CHADL: variants seen among roughly 807,000 people sequenced by gnomAD.
The protein encoded by CHADL is chondroadherin like.
A neutral mutation model predicts 52.1 loss-of-function variants in CHADL; 48 were observed. The observed-to-expected ratio is 0.92, with a 90% CI of 0.73 to 1.17. The LOEUF is 1.17. Ranked by LOEUF, CHADL falls within the 50% of genes most tolerant of loss-of-function variation. The pLI is 0.00. For synonymous variants in CHADL, 498 were observed against 511.2 expected, an observed-to-expected ratio of 0.97 and a Z score of 0.35; for missense variants, 977 against 1,035.1, an observed-to-expected ratio of 0.94 and a Z score of 0.77.
At position 41,234,623 on chromosome 22, in the gene CHADL, C is replaced by T. The variant is rs184081817; in HGVS notation, c.2262+522G>A. 4.6e-3 allele frequency among the ~76,000 whole-genome samples: 690 copies of T among 150,856 alleles called. 3 individuals carry two copies. Among genetic ancestry groups the T allele is most frequent in the African/African-American group, 8.4e-3 (343 of 40,896 alleles). On this transcript the variant is annotated intron_variant, in intron 5 of 5. Transcript: ENST00000216241. ...GGCTGGAGTGCAGTGGTGAGATCTCCGCTCACTGCAAGGTCCACCTCCTGG... is the reference window on the plus strand; with the variant it reads ...GGCTGGAGTGCAGTGGTGAGATCTCTGCTCACTGCAAGGTCCACCTCCTGG...
At chr22:41,230,282 G>A in intron 5 of CHADL, 2 of 1,524,362 alleles carry the variant, frequency 1.3e-6, no homozygotes, top group Non-Finnish European at 1.8e-6. Context: ...GCTTCTAGCT[G>A]GAAGCCAGCC....
At chr22:41,239,722 C>G in intron 1 of CHADL, 102 bp from the exon 2 acceptor site, 1 of 1,072,724 alleles carries the variant, frequency 9.3e-7, no homozygotes, top group Non-Finnish European at 1.3e-6. Context: ...AAAAACCCCT[C>G]AGAGCCTCCT....
chr22:41,232,609 T>A (rs1394310661), intron 5 of CHADL, among the ~76,000 whole-genome samples: 3 of 152,178 alleles, frequency 2.0e-5, no homozygotes, highest in African/African-American at 7.2e-5. Flanking sequence ...GGGAGGAAAC[T>A]GCTACTTTCA....
Position 41,237,300 on chromosome 22 carries a change from C to T in CHADL, c.1772G>A (p.Gly591Glu), listed in dbSNP as rs1322417363. Residue 591 changes from glycine (G) to glutamate (E), a missense_variant, in exon 3 of 6, where the codon GGG (glycine) becomes GAG (glutamate). Transcript: ENST00000216241. ...LREVPTGALEGLPALLELQLS... is the reference protein window; with the variant it reads ...LREVPTGALEELPALLELQLS... ...CTGCAGCTCCAGGAGGGCAGGCAGCCCCTCCAAGGCCCCAGTGGGCACCTC... is the reference window on the plus strand; with the variant it reads ...CTGCAGCTCCAGGAGGGCAGGCAGCTCCTCCAAGGCCCCAGTGGGCACCTC... The T allele has an allele frequency of 6.4e-7, 1 of 1,550,624 alleles. No individual in the cohort carries two copies. The highest frequency in any genetic ancestry group is 1.2e-5 in the South Asian group (1 of 84,060).
chr22:41,239,879 A>G lies in CHADL; in HGVS notation c.9-259T>C, dbSNP rs137947485. 2.8e-3 allele frequency among the ~76,000 whole-genome samples: 426 copies of G among 152,314 alleles called. 1 individual carries two copies. Among genetic ancestry groups the G allele is most frequent in the Non-Finnish European group, 5.1e-3 (350 of 68,022 alleles). On this transcript the variant is annotated intron_variant, in intron 1 of 5. Coordinates refer to ENST00000216241, the MANE Select transcript of CHADL (RefSeq NM_138481.2). ...CTGGTTAGTCCCTTTGCCTCTGCCC[A>G]ATGGCTCAGTGAGGACTTGCTGACT...
chr22:41,230,085 A>ACC, intron 5 of CHADL: 1 of 262,196 alleles, frequency 3.8e-6, no homozygotes, highest in Non-Finnish European at 6.8e-6. Context: ...CTCCGCCCCC[A>ACC]CCCCTCCCAG....
Position 41,238,256 on chromosome 22 carries a change from C to T in CHADL, c.816G>A (p.Arg272=). Residue 272 remains arginine (R), a synonymous_variant, in exon 3 of 6, where the codon AGG becomes AGA. Coordinates refer to ENST00000216241, the MANE Select transcript of CHADL (RefSeq NM_138481.2). This position sits in a 1 kb window ranked among gnomAD's most constrained non-coding sequence, Gnocchi z 4.9. ...DGGALQALGP[R]AFAHCPRLHT... ...GCAGGCGCGGACAGTGTGCGAAGGC[C>T]CTGGGACCCAGGGCCTGCAGGGCCC... The T allele has an allele frequency of 3.3e-6, 5 of 1,530,732 alleles. No individual in the cohort carries two copies. The highest frequency in any genetic ancestry group is 2.1e-4 in the Middle Eastern group (1 of 4,702). 94.8% of individuals were successfully genotyped at this position (1,530,732 alleles called of 1,614,324 possible). A position where few individuals can be genotyped will look rare whatever the true frequency, so the allele number is the denominator to read the frequency against.
At chr22:41,236,153 C>A (rs531655992) in intron 4 of CHADL, among the ~76,000 whole-genome samples, 1 of 152,160 alleles carries the variant, frequency 6.6e-6, no homozygotes, top group Admixed American at 6.5e-5. Context: ...ATTATAGGCG[C>A]GAGCCACCAT....
chr22:41,237,237 G>T lies in CHADL; in HGVS notation c.1835C>A (p.Ala612Asp). 1 of 1,550,410 alleles carries T rather than the reference G, an allele frequency of 6.4e-7. No individual in the cohort carries two copies. The highest frequency in any genetic ancestry group is 1.2e-5 in the South Asian group (1 of 84,032). The change falls in exon 3 of 6, where the codon GCC becomes GAC. Residue 612 changes from alanine to aspartate, a missense_variant. By Grantham distance (126) the Ala-to-Asp change is moderately radical (BLOSUM62 -2). Coordinates refer to ENST00000216241, the MANE Select transcript of CHADL (RefSeq NM_138481.2). ...GNPLRALRDG[A>D]FQPVGRSLQH... ...CAGCGACCTGCCCACAGGCTGGAAG[G>T]CTCCGTCACGCAAGGCCCTGAGTGG...
At position 41,238,525 on chromosome 22, in the gene CHADL, G is replaced by A. The variant is rs2032797373; in HGVS notation, c.547C>T (p.Arg183Cys). Residue 183 changes from arginine (R) to cysteine (C), a missense_variant, in exon 3 of 6, where the codon CGC becomes TGC. By Grantham distance (180) the Arg-to-Cys change is radical. Coordinates refer to ENST00000216241, the MANE Select transcript of CHADL (RefSeq NM_138481.2). This position sits in a 1 kb window ranked among gnomAD's most constrained non-coding sequence, Gnocchi z 4.9. ...LPAMAFQGLL[R>C]VRWLRLSHNA... is the part of the protein sequence containing the mutation. ...TGCGACAGCCGCAGCCAGCGGACGCGCAGTAGCCCCTGGAAGGCCATGGCG... is the reference window on the plus strand; with the variant it reads ...TGCGACAGCCGCAGCCAGCGGACGCACAGTAGCCCCTGGAAGGCCATGGCG... 1.3e-6 allele frequency: 2 copies of A among 1,544,300 alleles called. No individual in the cohort carries two copies. The highest frequency in any genetic ancestry group is 1.7e-6 in the Non-Finnish European group (2 of 1,145,802).
chr22:41,240,393 C>T (rs1024888850), intron 1 of CHADL, among the ~76,000 whole-genome samples: 1 of 152,230 alleles, frequency 6.6e-6, no homozygotes, highest in Non-Finnish European at 1.5e-5. Context: ...CCAGCTGGCC[C>T]CTCTGTTCTC....
At position 41,237,747 on chromosome 22, in the gene CHADL, C is replaced by A; in HGVS notation, c.1325G>T (p.Arg442Leu). The A allele has an allele frequency of 6.5e-7, 1 of 1,539,348 alleles. No homozygotes were observed. The highest frequency in any genetic ancestry group is 2.5e-5 in the East Asian group (1 of 40,734). Reference protein sequence around the residue: ...LRRNHFPSVPRAAFPGLGHLV... With the variant: ...LRRNHFPSVPLAAFPGLGHLV... ...GTGGCCCAGGCCGGGGAAGGCCGCTCGGGGCACCGAGGGGAAGTGGTTCCG... is the reference window on the plus strand; with the variant it reads ...GTGGCCCAGGCCGGGGAAGGCCGCTAGGGGCACCGAGGGGAAGTGGTTCCG... The change falls in exon 3 of 6, where the codon CGA (arginine) becomes CTA (leucine). Residue 442 changes from arginine (R) to leucine (L), a missense_variant. Transcript: ENST00000216241.
rs1446920828 is a variant in CHADL at position 41,238,187 on chromosome 22, C to CG, written c.884dup (p.Leu296AlafsTer199). ...GGCGCAGCTGGCCCGGGCCCTGCAG[C>CG]GGGGGCAGGGTGTCTAGCTGGTTCC... On this transcript the variant is annotated frameshift_variant, in exon 3 of 6. Transcript: ENST00000216241. LOFTEE classifies it high-confidence loss of function. The surrounding 1 kb of genome is among the most constrained non-coding windows in gnomAD (Gnocchi z 4.9). 1.3e-6 allele frequency: 2 copies of CG among 1,507,106 alleles called. No homozygotes were observed. The highest frequency in any genetic ancestry group is 1.4e-5 in the African/African-American group (1 of 69,288). 93.4% of individuals were successfully genotyped at this position (1,507,106 alleles called of 1,614,324 possible).
In CHADL at chr22:41,237,269, C is replaced by A. The variant is rs1033650656; in HGVS notation, c.1803G>T (p.Ser601=). 2.2e-5 allele frequency: 34 copies of A among 1,550,580 alleles called. No homozygotes were observed. Among genetic ancestry groups the A allele is most frequent in the Non-Finnish European group, 2.8e-5 (32 of 1,146,954 alleles). ...GLPALLELQL[S]GNPLRALRDG... The stretch of plus-strand genomic sequence containing the variant: ...CACGCAAGGCCCTGAGTGGGTTGCC[C>A]GAGAGCTGCAGCTCCAGGAGGGCAG... Residue 601 remains serine (S), a synonymous_variant, in exon 3 of 6, where the codon TCG becomes TCT. Coordinates refer to ENST00000216241, the MANE Select transcript of CHADL (RefSeq NM_138481.2).
intron 4 of CHADL, 24 bp downstream of exon 4, chr22:41,236,460 G>A: frequency 6.5e-7 from 1 of 1,544,914 alleles, no homozygotes; most frequent in Non-Finnish European, 8.8e-7. Context: ...GTCTTTGGCT[G>A]GAGGTCTAGG....
rs545073473 is a variant in CHADL, at chr22:41,239,585, G to A, written c.44C>T (p.Pro15Leu). 33 of 1,546,664 alleles carry A rather than the reference G, an allele frequency of 2.1e-5. No homozygotes were observed. The Admixed American group carries it at 2.2e-4, about 10-fold the overall frequency. ...GGCCAGCAGCAGAAGTACAAGAAGC[G>A]GCAGCACCAAGGGGACATGGGTGGA... ...RSSTHVPLVL[P>L]LLVLLLLAPA... The change falls in exon 2 of 6, where the codon CCG becomes CTG. Residue 15 changes from proline (P) to leucine (L), a missense_variant. Physicochemically the swap from Pro to Leu is moderately conservative, Grantham distance 98. Coordinates refer to ENST00000216241, the MANE Select transcript of CHADL (RefSeq NM_138481.2).
intron 5 of CHADL, chr22:41,230,222 G>C: frequency 1.2e-6 from 2 of 1,613,498 alleles, no homozygotes; most frequent in Non-Finnish European, 1.7e-6. Flanking sequence ...TGTCTCCGTC[G>C]AGAACATCAA....
In CHADL at chr22:41,238,665, A is replaced by C; in HGVS notation, c.407T>G (p.Leu136Trp). Reference protein sequence around the residue: ...PQEALDGLGSLRRLELEGNAL... With the variant: ...PQEALDGLGSWRRLELEGNAL... ...GTTCCCCTCCAGCTCCAGCCGCCGC[A>C]ACGAGCCCAGCCCGTCCAGCGCCTC... The change falls in exon 3 of 6, where the codon TTG (leucine) becomes TGG (tryptophan). Residue 136 changes from leucine to tryptophan, a missense_variant. Coordinates refer to ENST00000216241, the MANE Select transcript of CHADL (RefSeq NM_138481.2). This position sits in a 1 kb window ranked among gnomAD's most constrained non-coding sequence, Gnocchi z 4.9. 6.5e-7 allele frequency: 1 copy of C among 1,544,894 alleles called. No homozygotes were observed. Among genetic ancestry groups the C allele is most frequent in the South Asian group, 1.2e-5 (1 of 83,950 alleles).
chr22:41,238,176 G>C lies in CHADL; in HGVS notation c.896C>G (p.Pro299Arg). Reference protein sequence around the residue: ...QLDTLPPLQGPGQLRRLRLQG... With the variant: ...QLDTLPPLQGRGQLRRLRLQG... Reference sequence around the variant, plus strand: ...CAGCCGCAGCCGGCGCAGCTGGCCCGGGCCCTGCAGCGGGGGCAGGGTGTC... The same window carrying C: ...CAGCCGCAGCCGGCGCAGCTGGCCCCGGCCCTGCAGCGGGGGCAGGGTGTC... The change falls in exon 3 of 6, where the codon CCG (proline) becomes CGG (arginine). Residue 299 changes from proline to arginine, a missense_variant. Transcript: ENST00000216241. The surrounding 1 kb of genome is among the most constrained non-coding windows in gnomAD (Gnocchi z 4.9). The C allele has an allele frequency of 6.7e-7, 1 of 1,497,300 alleles. No homozygotes were observed. The highest frequency in any genetic ancestry group is 8.8e-7 in the Non-Finnish European group (1 of 1,130,882). 92.8% of individuals were successfully genotyped at this position (1,497,300 alleles called of 1,614,324 possible). A position where few individuals can be genotyped will look rare whatever the true frequency, so the allele number is the denominator to read the frequency against.
Sources: gnomAD v4.1 joint callset for allele counts (sites outside exome capture counted in the v4.1 genomes callset) on GRCh38, gnomAD v4.1.1 for gene constraint, Gnocchi (gnomAD v3.1) non-coding constraint, MANE v1.5 for transcripts, NCBI Gene and HGNC (gene_info 2026-07-23, HGNC 2026-07-21) for gene names.